The following AAGAB variants were observed in gnomAD, a reference collection of about 807,000 sequenced individuals.
AAGAB encodes the protein alpha and gamma adaptin binding protein.
AAGAB carries 38 observed loss-of-function variants against 44.1 expected under a neutral mutation model. The observed-to-expected ratio is 0.86, with a 90% CI of 0.67 to 1.13. The LOEUF is 1.13. AAGAB is among the 50% of genes most tolerant of loss of function. AAGAB has a pLI of 0.00. For synonymous variants in AAGAB, 131 were observed against 131.8 expected (o/e 0.99, Z 0.04); for missense variants, 450 against 373.8 (o/e 1.20, Z -1.68).
At position 67,201,084 on chromosome 15, in the gene AAGAB, T is replaced by C. The variant is rs982700857; in HGVS notation, c.*1737A>G. ...CTTTGTTTAATCTACAAAATCAAAT[T>C]CACAGCTTTTTCTAGTCTGGTCTGT... On this transcript the variant is annotated 3_prime_UTR_variant, in exon 10 of 10. Transcript: ENST00000261880. The C allele has an allele frequency of 2.6e-5, 4 of 152,284 alleles. No individual in the cohort carries two copies. The highest frequency in any genetic ancestry group is 4.4e-5 in the Non-Finnish European group (3 of 68,022). 9.4% of individuals were successfully genotyped at this position (152,284 alleles called of 1,614,324 possible).
chr15:67,202,899 C>A lies in AAGAB; in HGVS notation c.871-1G>T. The A allele has an allele frequency of 6.2e-7, 1 of 1,614,064 alleles. No homozygotes were observed. Among genetic ancestry groups the A allele is most frequent in the Non-Finnish European group, 8.5e-7 (1 of 1,179,922 alleles). ...TTGCCATCCAGAATGCTTTGGCCAC[C>A]TGTGGAGAGAAGCATGCAACAAATT... is the stretch of plus-strand genomic sequence containing the variant. On this transcript the variant is annotated splice_acceptor_variant, in intron 9 of 9. Transcript: ENST00000261880. LOFTEE classifies it high-confidence loss of function.
chr15:67,219,084 C>A (rs1163378481), intron 5 of AAGAB, among the ~76,000 whole-genome samples: 1 of 152,174 alleles, frequency 6.6e-6, no homozygotes, highest in African/African-American at 2.4e-5. Flanking sequence ...CCAATGGTAT[C>A]TGGGAATTTC....
At chr15:67,236,188 TC>T in intron 3 of AAGAB, 120 bp from the exon 4 acceptor site, 2 of 877,828 alleles carry the variant, frequency 2.3e-6, no homozygotes, top group Non-Finnish European at 3.5e-6. Context: ...TCTAAAGGCA[TC>T]TAAAATAATA....
Position 67,254,591 on chromosome 15 carries a change from G to C in AAGAB, c.41C>G (p.Ser14Cys), listed in dbSNP as rs368197105. ...CAGCTGGTCTCCTGAGAAGACGGAGGAGCAGCTGGTGACTAACGCACAGGG... is the reference window on the plus strand; with the variant it reads ...CAGCTGGTCTCCTGAGAAGACGGAGCAGCAGCTGGTGACTAACGCACAGGG... ...GVPCALVTSC[S>C]SVFSGDQLVQ... Residue 14 changes from serine to cysteine, a missense_variant, in exon 1 of 10, where the codon TCC becomes TGC. By Grantham distance (112) the Ser-to-Cys change is moderately radical. Transcript: ENST00000261880. The C allele has an allele frequency of 6.2e-7, 1 of 1,609,786 alleles. No homozygotes were observed. Among genetic ancestry groups the C allele is most frequent in the East Asian group, 2.2e-5 (1 of 44,764 alleles).
At chr15:67,247,771 T>C (rs1180043537) in intron 1 of AAGAB, among the ~76,000 whole-genome samples, 1 of 152,228 alleles carries the variant, frequency 6.6e-6, no homozygotes, top group Non-Finnish European at 1.5e-5. Context: ...GTCATTTTCA[T>C]TTATTATTTA....
intron 5 of AAGAB, among the ~76,000 whole-genome samples, chr15:67,209,952 C>T (rs1046821950): frequency 1.3e-5 from 2 of 152,156 alleles, no homozygotes; most frequent in African/African-American, 4.8e-5. Context: ...AGGCCTGAGC[C>T]ACACCCCTGG....
intron 1 of AAGAB, among the ~76,000 whole-genome samples, chr15:67,244,880 A>G (rs1964685365): frequency 6.6e-6 from 1 of 152,190 alleles, no homozygotes; most frequent in Non-Finnish European, 1.5e-5. Flanking sequence ...AGATATTAAA[A>G]TGGACTATAT....
upstream of AAGAB, chr15:67,254,946 A>G (rs1028398899): frequency 4.3e-6 from 7 of 1,613,254 alleles, no homozygotes; most frequent in African/African-American, 1.3e-5. Flanking sequence ...ATCTTAATCC[A>G]GGTGGGAAAC....
chr15:67,231,947 T>A (rs750140875), intron 4 of AAGAB, 50 bp from the exon 5 acceptor site: 1 of 1,464,694 alleles, frequency 6.8e-7, no homozygotes, highest in East Asian at 2.3e-5. Flanking sequence ...CTCACACAGA[T>A]ATACATATAC....
chr15:67,247,320 G>C (rs975590897), intron 1 of AAGAB, among the ~76,000 whole-genome samples: 1 of 152,220 alleles, frequency 6.6e-6, no homozygotes, highest in Non-Finnish European at 1.5e-5. Flanking sequence ...TTTTATATCA[G>C]ATTGCATTAT....
chr15:67,217,415 G>C (rs940856263), intron 5 of AAGAB, among the ~76,000 whole-genome samples: 1 of 152,158 alleles, frequency 6.6e-6, no homozygotes, highest in Non-Finnish European at 1.5e-5. Context: ...TGTAACATTA[G>C]AGTCAAATTT....
At chr15:67,214,087 T>A (rs1185734872) in intron 5 of AAGAB, among the ~76,000 whole-genome samples, 1 of 152,230 alleles carries the variant, frequency 6.6e-6, no homozygotes, top group African/African-American at 2.4e-5. Context: ...TGATAACATG[T>A]AAAGAGTTGA....
At chr15:67,229,763 AT>A (rs1964292187) in intron 5 of AAGAB, among the ~76,000 whole-genome samples, 1 of 152,182 alleles carries the variant, frequency 6.6e-6, no homozygotes, top group East Asian at 1.9e-4. Context: ...GAAATATTCT[AT>A]TTTTATAAAA....
chr15:67,211,592 C>T (rs950271347), intron 5 of AAGAB, among the ~76,000 whole-genome samples: 2 of 152,218 alleles, frequency 1.3e-5, no homozygotes, highest in Non-Finnish European at 2.9e-5. Context: ...CATTAAGATA[C>T]ATGAGTGCTC....
intron 5 of AAGAB, among the ~76,000 whole-genome samples, chr15:67,216,584 A>G (rs1963956670): frequency 6.6e-6 from 1 of 151,512 alleles, no homozygotes; most frequent in South Asian, 2.1e-4. Flanking sequence ...AATAAACTGA[A>G]CTAAACATCA....
intron 5 of AAGAB, among the ~76,000 whole-genome samples, chr15:67,222,242 G>GCGCGCGCGCGCGCGCACACACACA (rs1367738219): frequency 2.2e-5 from 2 of 90,044 alleles, no homozygotes; most frequent in Admixed American, 1.4e-4. Context: ...GCGCGCGCGC[G>GCGCGCGCGCGCGCGCACACACACA]CACACACACA....
chr15:67,254,995 T>G, upstream of AAGAB: 1 of 1,574,442 alleles, frequency 6.4e-7, no homozygotes, highest in Non-Finnish European at 8.7e-7. Context: ...CCGCGCCACT[T>G]CCGAGCGAGG....
At chr15:67,234,086 CAAA>C (rs34634730) in intron 4 of AAGAB, among the ~76,000 whole-genome samples, 2 of 116,248 alleles carry the variant, frequency 1.7e-5, no homozygotes, top group Non-Finnish European at 1.8e-5. Context: ...ACTAAAAATA[CAAA>C]AAAAAAAAAA....
intron 5 of AAGAB, among the ~76,000 whole-genome samples, chr15:67,209,788 G>A (rs545891104): frequency 2.6e-5 from 4 of 152,220 alleles, no homozygotes; most frequent in South Asian, 2.1e-4. Context: ...GAGTAGGTGG[G>A]AATACAGGTG....
Sources: allele counts gnomAD v4.1 joint callset (sites outside exome capture counted in the v4.1 genomes callset), GRCh38; gene constraint gnomAD v4.1.1; transcripts MANE v1.5; gene names NCBI Gene and HGNC (gene_info 2026-07-23, HGNC 2026-07-21).